Variants in GRIK2 observed in about 807,000 individuals in gnomAD.
The protein encoded by GRIK2 is glutamate receptor ionotropic, kainate 2.
A neutral mutation model predicts 100.3 loss-of-function variants in GRIK2; 32 were observed. The observed-to-expected ratio is 0.32, with a 90% confidence interval of 0.24 to 0.43. GRIK2 has a LOEUF of 0.43. GRIK2 is among the 20% of genes least tolerant of loss of function. GRIK2 has a pLI of 1.00. For synonymous variants in GRIK2, 417 were observed against 389.4 expected (o/e 1.07, Z -0.83); for missense variants, 843 against 1,114.9 (o/e 0.76, Z 3.47).
At chr6:101,421,988 T>C (rs951532466) in intron 2 of GRIK2, among the ~76,000 whole-genome samples, 1 of 152,206 alleles carries the variant, frequency 6.6e-6, no homozygotes, top group Non-Finnish European at 1.5e-5. Flanking sequence ...AAGTTACCAA[T>C]GACACTTTTG....
At chr6:101,791,974 T>C (rs540437775) in intron 7 of GRIK2, among the ~76,000 whole-genome samples, 3 of 152,138 alleles carry the variant, frequency 2.0e-5, no homozygotes, top group East Asian at 1.9e-4. Context: ...GCCTTCTTTG[T>C]CTCTTTTGAT....
intron 2 of GRIK2, among the ~76,000 whole-genome samples, chr6:101,413,950 A>G (rs1181533614): frequency 6.6e-6 from 1 of 152,148 alleles, no homozygotes; most frequent in East Asian, 1.9e-4. Context: ...TATTCTTTCA[A>G]TCATTCATTT....
chr6:101,433,095 A>G (rs1286688398), intron 2 of GRIK2, among the ~76,000 whole-genome samples: 1 of 152,164 alleles, frequency 6.6e-6, no homozygotes, highest in Non-Finnish European at 1.5e-5. Flanking sequence ...TTTAGAACTG[A>G]AAAATCCCAA....
intron 2 of GRIK2, among the ~76,000 whole-genome samples, chr6:101,500,070 G>T (rs896698499): frequency 1.3e-5 from 2 of 152,038 alleles, no homozygotes; most frequent in Non-Finnish European, 2.9e-5. Context: ...ATGGATATAA[G>T]AACTTGAAAC....
In GRIK2 at chr6:101,393,772, T is replaced by G. The variant is rs982750933; in HGVS notation, c.-359T>G. Reference sequence around the variant, plus strand: ...TAGCTGGGGACTTTTCCGCCCGACCTCCTCCGGCTGCTCCTCCCCGAGGAC... The same window carrying G: ...TAGCTGGGGACTTTTCCGCCCGACCGCCTCCGGCTGCTCCTCCCCGAGGAC... On this transcript the variant is annotated 5_prime_UTR_variant, in exon 1 of 17. Transcript: ENST00000369134. 2.0e-5 allele frequency among the ~76,000 whole-genome samples: 3 copies of G among 151,920 alleles called. No homozygotes were observed. The highest frequency in any genetic ancestry group is 1.3e-4 in the Admixed American group (2 of 15,244).
chr6:101,963,509 C>CTTTTTTTTTTTTTTTTTTTTTTTTTTTT (rs770178884), intron 14 of GRIK2, among the ~76,000 whole-genome samples: 2 of 106,106 alleles, frequency 1.9e-5, no homozygotes, highest in African/African-American at 3.8e-5. Flanking sequence ...TTCTTTCTTT[C>CTTTTTTTTTTTTTTTTTTTTTTTTTTTT]TTTTTTTTTT....
chr6:101,901,300 G>A (rs1417179), intron 12 of GRIK2, among the ~76,000 whole-genome samples: 2,197 of 151,998 alleles, frequency 0.014, 69 homozygotes, highest in African/African-American at 0.051. Context: ...GAAAAAAAAT[G>A]TATATTGATA....
At chr6:101,728,543 G>A (rs1257819244) in intron 7 of GRIK2, among the ~76,000 whole-genome samples, 2 of 151,962 alleles carry the variant, frequency 1.3e-5, no homozygotes, top group Non-Finnish European at 2.9e-5. Context: ...GAAAGCATGG[G>A]CTCTAAAGAA....
intron 7 of GRIK2, among the ~76,000 whole-genome samples, chr6:101,790,302 C>T (rs1779749909): frequency 1.3e-5 from 2 of 151,978 alleles, no homozygotes; most frequent in African/African-American, 4.8e-5. Context: ...AAAGGGAATG[C>T]TTCCAGTTTT....
chr6:101,877,473 A>C (rs1486493536), intron 11 of GRIK2, among the ~76,000 whole-genome samples: 1 of 152,010 alleles, frequency 6.6e-6, no homozygotes, highest in African/African-American at 2.4e-5. Context: ...GTTATATGCA[A>C]ATACTATATA....
intron 15 of GRIK2, among the ~76,000 whole-genome samples, chr6:102,037,776 AATCTTGGCATT>A (rs1770350464): frequency 6.6e-6 from 1 of 151,308 alleles, no homozygotes; most frequent in South Asian, 2.1e-4. Context: ...GGAGTGCTCA[AATCTTGGCATT>A]CTGCATAGTT....
chr6:101,738,828 C>T (rs955087072), intron 7 of GRIK2, among the ~76,000 whole-genome samples: 2 of 152,026 alleles, frequency 1.3e-5, no homozygotes, highest in Non-Finnish European at 2.9e-5. Context: ...GTGTAAAGAA[C>T]CACAGTTTGA....
At chr6:101,417,989 A>G (rs2128239536) in intron 2 of GRIK2, among the ~76,000 whole-genome samples, 1 of 152,352 alleles carries the variant, frequency 6.6e-6, no homozygotes, top group East Asian at 1.9e-4. Flanking sequence ...ATGTTCTACA[A>G]CAGACTGTCT....
chr6:101,707,696 C>T (rs1773436228), intron 7 of GRIK2, among the ~76,000 whole-genome samples: 2 of 149,892 alleles, frequency 1.3e-5, no homozygotes, highest in South Asian at 4.2e-4. Flanking sequence ...GGCACTCATA[C>T]TCAGTGAGCT....
intron 7 of GRIK2, among the ~76,000 whole-genome samples, chr6:101,707,606 G>A (rs200108599): frequency 0.12 from 13,742 of 117,122 alleles, 1,158 homozygotes; most frequent in African/African-American, 0.25. Flanking sequence ...ATATATGTGT[G>A]TATATATATA....
chr6:101,471,932 G>A (rs1298222759), intron 2 of GRIK2, among the ~76,000 whole-genome samples: 1 of 151,732 alleles, frequency 6.6e-6, no homozygotes, highest in African/African-American at 2.4e-5. Context: ...TGAGCTATAT[G>A]TTCAATAAAA....
At chr6:101,468,310 T>A (rs1193835497) in intron 2 of GRIK2, among the ~76,000 whole-genome samples, 1 of 152,152 alleles carries the variant, frequency 6.6e-6, no homozygotes, top group African/African-American at 2.4e-5. Context: ...TCAGTTTTAC[T>A]TTTCATTCTT....
At chr6:102,054,647 C>A (rs1175345484) in intron 15 of GRIK2, among the ~76,000 whole-genome samples, 1 of 151,912 alleles carries the variant, frequency 6.6e-6, no homozygotes, top group African/African-American at 2.4e-5. Context: ...TGGAAAAAAA[C>A]AAAATAAAAC....
chr6:102,066,781 T>G (rs763768477), intron 16 of GRIK2, among the ~76,000 whole-genome samples: 3 of 151,600 alleles, frequency 2.0e-5, no homozygotes, highest in Non-Finnish European at 4.4e-5. Flanking sequence ...AAGGAGAAAA[T>G]GCTATTAATA....
Sources: allele counts gnomAD v4.1 joint callset (sites outside exome capture counted in the v4.1 genomes callset), GRCh38; gene constraint gnomAD v4.1.1; transcripts MANE v1.5; gene names NCBI Gene and HGNC (gene_info 2026-07-23, HGNC 2026-07-21).